STXBP5L: variants seen among roughly 807,000 people sequenced by gnomAD.
STXBP5L encodes the protein syntaxin binding protein 5L.
A neutral mutation model predicts 144.5 loss-of-function variants in STXBP5L; 65 were observed. That is an observed-to-expected ratio of 0.45 (90% CI 0.37 to 0.55). STXBP5L has a LOEUF of 0.55. Ranked by LOEUF, STXBP5L falls within the 20% of genes least tolerant of loss-of-function variation. The pLI, the probability that STXBP5L is intolerant of heterozygous loss-of-function variation, is 0.00. For missense variants in STXBP5L, 1,298 were observed against 1,405.5 expected, an observed-to-expected ratio of 0.92 and a Z score of 1.22; for synonymous variants, 505 against 469.6, an observed-to-expected ratio of 1.08 and a Z score of -0.97.
At chr3:121,009,928 A>G (rs369069675) in intron 3 of STXBP5L, among the ~76,000 whole-genome samples, 1 of 151,814 alleles carries the variant, frequency 6.6e-6, no homozygotes, top group East Asian at 1.9e-4. Context: ...ACTCCTACTG[A>G]GTTTTAAAAA....
At chr3:121,146,633 C>T (rs1247859447) in intron 7 of STXBP5L, among the ~76,000 whole-genome samples, 5 of 151,976 alleles carry the variant, frequency 3.3e-5, no homozygotes, top group East Asian at 1.9e-4. Context: ...AAAAGTTTAA[C>T]GCAAAACTGC....
At chr3:121,187,802 A>T (rs755116445) in intron 9 of STXBP5L, among the ~76,000 whole-genome samples, 5 of 151,882 alleles carry the variant, frequency 3.3e-5, no homozygotes, top group African/African-American at 7.3e-5. Context: ...GACCCATCTC[A>T]TGTGCAAAAA....
At chr3:121,046,827 G>T (rs1402367773) in intron 5 of STXBP5L, among the ~76,000 whole-genome samples, 3 of 151,846 alleles carry the variant, frequency 2.0e-5, no homozygotes, top group Non-Finnish European at 4.4e-5. Context: ...TTGATCTTTT[G>T]TATGGTTTTT....
intron 19 of STXBP5L, among the ~76,000 whole-genome samples, chr3:121,283,399 G>T (rs938421277): frequency 1.3e-5 from 2 of 151,956 alleles, no homozygotes; most frequent in African/African-American, 2.4e-5. Flanking sequence ...TTCTACTCTA[G>T]CAGAGCACCC....
chr3:121,299,975 CAAAA>C (rs35062789), intron 19 of STXBP5L, among the ~76,000 whole-genome samples: 13 of 115,678 alleles, frequency 1.1e-4, no homozygotes, highest in East Asian at 2.5e-4. Context: ...GACCTGATCT[CAAAA>C]AAAAAAAAAA....
intron 20 of STXBP5L, among the ~76,000 whole-genome samples, chr3:121,364,327 A>T (rs1281178280): frequency 6.6e-6 from 1 of 152,152 alleles, no homozygotes; most frequent in Non-Finnish European, 1.5e-5. Context: ...ACTCCTTATA[A>T]CAGTACCAAA....
rs559695220 is a variant in STXBP5L at position 120,908,520 on chromosome 3, T to C, written c.-9+186T>C. 2.0e-5 allele frequency among the ~76,000 whole-genome samples: 3 copies of C among 150,114 alleles called. No individual in the cohort carries two copies. The South Asian group carries it at 6.4e-4, about 32-fold the overall frequency. On this transcript the variant is annotated intron_variant, in intron 1 of 26. Transcript: ENST00000471454. ...CAGCGCGCGAATGCCCGTGTGAGGG[T>C]GTTTGTGTGTGTTCTGGCTGGGAGC...
At chr3:121,096,667 C>T (rs773379243) in intron 5 of STXBP5L, among the ~76,000 whole-genome samples, 6 of 151,684 alleles carry the variant, frequency 4.0e-5, no homozygotes, top group East Asian at 1.9e-4. Context: ...TAACCAGGGG[C>T]GGCTGCATAA....
At position 121,419,276 on chromosome 3, in the gene STXBP5L, C is replaced by T. The variant is rs1288964706; in HGVS notation, c.*179C>T. The T allele has an allele frequency of 1.7e-6, 1 of 572,126 alleles. No homozygotes were observed. Among genetic ancestry groups the T allele is most frequent in the Non-Finnish European group, 2.8e-6 (1 of 357,308 alleles). 35.4% of individuals were successfully genotyped at this position (572,126 alleles called of 1,614,324 possible). A position where few individuals can be genotyped will look rare whatever the true frequency, so the allele number is the denominator to read the frequency against. ...ACACTGTGCAACCCAAAGGCTGGAG[C>T]CCTGGTTAAAATCCCAAAATACGGC... is the stretch of plus-strand genomic sequence containing the variant. On this transcript the variant is annotated 3_prime_UTR_variant, in exon 27 of 27. Coordinates refer to ENST00000471454, the MANE Select transcript of STXBP5L (RefSeq NM_001308330.2).
intron 15 of STXBP5L, among the ~76,000 whole-genome samples, chr3:121,254,558 C>A (rs1395837851): frequency 6.6e-6 from 1 of 152,060 alleles, no homozygotes; most frequent in African/African-American, 2.4e-5. Flanking sequence ...TTTCAGTATT[C>A]CCATTTTAGA....
intron 7 of STXBP5L, among the ~76,000 whole-genome samples, chr3:121,123,298 C>T (rs1221602363): frequency 1.3e-5 from 2 of 151,372 alleles, no homozygotes; most frequent in African/African-American, 4.8e-5. Flanking sequence ...AACATATATT[C>T]GTTTTTGGAA....
rs115310461 is a variant in STXBP5L at position 121,197,461 on chromosome 3, A to G, written c.878-8462A>G. 1.3e-3 allele frequency among the ~76,000 whole-genome samples: 203 copies of G among 152,128 alleles called. 1 individual carries two copies. Among genetic ancestry groups the G allele is most frequent in the African/African-American group, 4.3e-3 (180 of 41,508 alleles). On this transcript the variant is annotated intron_variant, in intron 9 of 26. Coordinates refer to ENST00000471454, the MANE Select transcript of STXBP5L (RefSeq NM_001308330.2). ...TCCTTTACTGATTTTTTAACATTAA[A>G]TGAATATTTTTAAAAAATTTAATTT... is the stretch of plus-strand genomic sequence containing the variant.
intron 3 of STXBP5L, among the ~76,000 whole-genome samples, chr3:121,005,077 G>A (rs1039240628): frequency 6.6e-6 from 1 of 152,168 alleles, no homozygotes; most frequent in Admixed American, 6.5e-5. Context: ...AAATGAGTTA[G>A]GGAGGATTCC....
At chr3:121,032,450 G>C (rs1268920744) in intron 3 of STXBP5L, among the ~76,000 whole-genome samples, 3 of 152,088 alleles carry the variant, frequency 2.0e-5, no homozygotes, top group African/African-American at 7.2e-5. Flanking sequence ...ATAAATTCAT[G>C]TGTTTTTCAT....
intron 20 of STXBP5L, among the ~76,000 whole-genome samples, chr3:121,375,005 C>T (rs1465601767): frequency 9.1e-6 from 1 of 110,254 alleles, no homozygotes; most frequent in Non-Finnish European, 1.7e-5. Context: ...ACATTGAAGA[C>T]TCAGAAGGGT....
rs1427553778 is a variant in STXBP5L, at chr3:120,958,278, C to G, written c.287+3241C>G. On this transcript the variant is annotated intron_variant, in intron 3 of 26. Transcript: ENST00000471454. ...GAGGCAATAATTAATAGCTTACCAA[C>G]CAAAAAAAGTCCAGGACCAGATGGA... 5.3e-5 allele frequency among the ~76,000 whole-genome samples: 8 copies of G among 152,058 alleles called. No individual in the cohort carries two copies. The East Asian group carries it at 1.5e-3, about 29-fold the overall frequency.
At chr3:121,298,664 C>A (rs1281498621) in intron 19 of STXBP5L, among the ~76,000 whole-genome samples, 1 of 151,952 alleles carries the variant, frequency 6.6e-6, no homozygotes, top group Non-Finnish European at 1.5e-5. Flanking sequence ...CATAGAAGGA[C>A]AAATATTATA....
intron 19 of STXBP5L, among the ~76,000 whole-genome samples, chr3:121,309,837 T>G (rs1327603916): frequency 1.3e-5 from 2 of 152,168 alleles, no homozygotes; most frequent in African/African-American, 4.8e-5. Flanking sequence ...ATTCTAAAAT[T>G]TATGCAGAAA....
At chr3:121,233,891 A>G (rs2049385988) in intron 12 of STXBP5L, among the ~76,000 whole-genome samples, 1 of 152,190 alleles carries the variant, frequency 6.6e-6, no homozygotes, top group Admixed American at 6.6e-5. Flanking sequence ...TAAAGGCAGC[A>G]CCTGATGTTT....
Sources: allele counts gnomAD v4.1 joint callset (sites outside exome capture counted in the v4.1 genomes callset), GRCh38; gene constraint gnomAD v4.1.1; transcripts MANE v1.5; gene names NCBI Gene and HGNC (gene_info 2026-07-23, HGNC 2026-07-21).